The following PTPRT variants were observed in gnomAD, a reference collection of about 807,000 sequenced individuals.
The protein encoded by PTPRT is protein tyrosine phosphatase receptor type T.
A neutral mutation model predicts 176.8 loss-of-function variants in PTPRT; 56 were observed. The ratio of observed to expected loss-of-function variants is 0.32; its 90% CI spans 0.26 to 0.40. The LOEUF is 0.40. Among genes scored for constraint, PTPRT ranks in the 10% least tolerant of loss-of-function variants. The pLI, the probability that PTPRT is intolerant of heterozygous loss-of-function variation, is 1.00. For synonymous variants in PTPRT, 783 were observed against 739.0 expected, an observed-to-expected ratio of 1.06 and a Z score of -0.96; for missense variants, 1,540 against 1,908.2, an observed-to-expected ratio of 0.81 and a Z score of 3.60.
chr20:43,173,316 A>G (rs545595427), intron 1 of PTPRT, among the ~76,000 whole-genome samples: 25 of 152,334 alleles, frequency 1.6e-4, no homozygotes, highest in African/African-American at 5.5e-4. Flanking sequence ...AAGGCACACA[A>G]TGAAAAAGTC....
intron 1 of PTPRT, among the ~76,000 whole-genome samples, chr20:43,062,820 T>C (rs973936095): frequency 6.6e-6 from 1 of 152,220 alleles, no homozygotes; most frequent in African/African-American, 2.4e-5. Context: ...GTGTAATTTC[T>C]CTAATAAGGT....
chr20:42,241,739 C>T (rs767932549), intron 14 of PTPRT, among the ~76,000 whole-genome samples: 1 of 151,956 alleles, frequency 6.6e-6, no homozygotes, highest in African/African-American at 2.4e-5. Context: ...GCAGAAGGAG[C>T]AGGATTCAAT....
At chr20:42,442,340 GA>G in intron 9 of PTPRT, among the ~76,000 whole-genome samples, 1 of 152,252 alleles carries the variant, frequency 6.6e-6, no homozygotes, top group East Asian at 1.9e-4. Context: ...TCTGTGTGCT[GA>G]AAAAAATATT....
intron 1 of PTPRT, among the ~76,000 whole-genome samples, chr20:43,168,640 G>A (rs1246628555): frequency 6.6e-6 from 1 of 152,114 alleles, no homozygotes; most frequent in African/African-American, 2.4e-5. Flanking sequence ...AGAAGTTAGA[G>A]GAAGGAGAGA....
intron 6 of PTPRT, chr20:42,687,966 G>A (rs1293410228): frequency 6.6e-6 from 1 of 152,166 alleles, no homozygotes; most frequent in Non-Finnish European, 1.5e-5. Flanking sequence ...TACTATTCTA[G>A]TATGCATTTA....
chr20:43,047,669 G>A (rs984722826), intron 1 of PTPRT, among the ~76,000 whole-genome samples: 1 of 150,016 alleles, frequency 6.7e-6, no homozygotes, highest in Non-Finnish European at 1.5e-5. Context: ...CCAGGACCTA[G>A]TCATGCTAAT....
chr20:42,531,009 TA>T lies in PTPRT; in HGVS notation c.1154-58448del, dbSNP rs2072373531. 3.3e-5 allele frequency among the ~76,000 whole-genome samples: 5 copies of T among 152,208 alleles called. No individual in the cohort carries two copies. In the South Asian group the frequency reaches 1.0e-3, roughly 32 times the overall value. On this transcript the variant is annotated intron_variant, in intron 7 of 30. Coordinates refer to ENST00000373187, the MANE Select transcript of PTPRT (RefSeq NM_007050.6). ...AAGCAAACGACATCATCCTTAGAAC[TA>T]AAATTTCCAAATGTAACTCCTACTG...
At chr20:42,910,726 G>A (rs1334371426) in intron 1 of PTPRT, among the ~76,000 whole-genome samples, 2 of 152,148 alleles carry the variant, frequency 1.3e-5, no homozygotes, top group Non-Finnish European at 1.5e-5. Context: ...TCAAGGTTGA[G>A]GTGATTACGG....
At chr20:42,948,246 C>G (rs1246982304) in intron 1 of PTPRT, among the ~76,000 whole-genome samples, 1 of 152,152 alleles carries the variant, frequency 6.6e-6, no homozygotes, top group Non-Finnish European at 1.5e-5. Context: ...CAGCCTTTTC[C>G]CAGACTATCT....
chr20:43,038,521 T>C (rs1363390124), intron 1 of PTPRT, among the ~76,000 whole-genome samples: 1 of 152,188 alleles, frequency 6.6e-6, no homozygotes, highest in Non-Finnish European at 1.5e-5. Flanking sequence ...TCATACTTAA[T>C]AAAATTTCAG....
At chr20:42,471,191 G>A (rs2145284496) in intron 8 of PTPRT, among the ~76,000 whole-genome samples, 1 of 152,264 alleles carries the variant, frequency 6.6e-6, no homozygotes, top group East Asian at 1.9e-4. Flanking sequence ...AGCATTGTCT[G>A]ACTTCCAAAT....
intron 7 of PTPRT, among the ~76,000 whole-genome samples, chr20:42,555,096 A>G (rs2072837023): frequency 6.6e-6 from 1 of 152,204 alleles, no homozygotes; most frequent in African/African-American, 2.4e-5. Flanking sequence ...CAGACAGTCC[A>G]GCTCTCCAAT....
intron 11 of PTPRT, among the ~76,000 whole-genome samples, chr20:42,326,834 A>T (rs1016726828): frequency 6.6e-6 from 1 of 152,098 alleles, no homozygotes; most frequent in Admixed American, 6.5e-5. Context: ...GAAAAAGCAA[A>T]TTGTATAAAA....
At chr20:43,119,564 A>G (rs1048947591) in intron 1 of PTPRT, among the ~76,000 whole-genome samples, 10 of 152,228 alleles carry the variant, frequency 6.6e-5, no homozygotes, top group African/African-American at 2.2e-4. Flanking sequence ...AGGGTGAAGC[A>G]GTGGTCCTTT....
intron 8 of PTPRT, among the ~76,000 whole-genome samples, chr20:42,450,590 C>T (rs6130134): frequency 0.22 from 33,699 of 152,016 alleles, 3,809 homozygotes; most frequent in Middle Eastern, 0.32. Flanking sequence ...ATTTTAAGGA[C>T]GTAAGCTTTC....
chr20:42,099,491 A>T (rs1261228729), intron 26 of PTPRT, among the ~76,000 whole-genome samples: 1 of 138,308 alleles, frequency 7.2e-6, no homozygotes, highest in African/African-American at 2.7e-5. Context: ...TAAAACAATA[A>T]ATTCAGTCCC....
At chr20:42,539,139 A>C (rs1448640785) in intron 7 of PTPRT, among the ~76,000 whole-genome samples, 1 of 152,140 alleles carries the variant, frequency 6.6e-6, no homozygotes, top group East Asian at 1.9e-4. Flanking sequence ...CTAAGTACAG[A>C]TCTTGGTATT....
intron 1 of PTPRT, among the ~76,000 whole-genome samples, chr20:43,130,824 A>T (rs2013623528): frequency 6.6e-6 from 1 of 152,038 alleles, no homozygotes; most frequent in South Asian, 2.1e-4. Flanking sequence ...CAAAAAAAAA[A>T]AAAAAGGAAA....
intron 7 of PTPRT, among the ~76,000 whole-genome samples, chr20:42,481,457 T>G (rs574324934): frequency 1.2e-3 from 190 of 152,278 alleles, no homozygotes; most frequent in African/African-American, 4.2e-3. Flanking sequence ...ATTTCACCAA[T>G]TAGAATTTAC....
Sources: allele counts gnomAD v4.1 joint callset (sites outside exome capture counted in the v4.1 genomes callset), GRCh38; gene constraint gnomAD v4.1.1; transcripts MANE v1.5; gene names NCBI Gene and HGNC (gene_info 2026-07-23, HGNC 2026-07-21).